Variants in EPM2A observed in about 807,000 individuals in gnomAD.
The protein encoded by EPM2A is EPM2A glucan phosphatase, laforin.
In EPM2A, 21 loss-of-function variants were observed where a neutral mutation model predicts 26.5. The observed-to-expected ratio is 0.79, with a 90% CI of 0.56 to 1.14. The LOEUF is 1.14. EPM2A is among the 50% of genes most tolerant of loss of function. The pLI, the probability that EPM2A is intolerant of heterozygous loss-of-function variation, is 0.00. For synonymous variants in EPM2A, 217 were observed against 177.6 expected, an observed-to-expected ratio of 1.22 and a Z score of -1.76; for missense variants, 458 against 440.8, an observed-to-expected ratio of 1.04 and a Z score of -0.35.
intron 2 of EPM2A, among the ~76,000 whole-genome samples, chr6:145,588,318 T>C (rs1206856924): frequency 6.6e-6 from 1 of 152,216 alleles, no homozygotes; most frequent in Non-Finnish European, 1.5e-5. Flanking sequence ...GGCCTGTTTA[T>C]TCTTCATTTA....
chr6:145,397,537 A>C (rs775812345), intron 4 of EPM2A, among the ~76,000 whole-genome samples: 17 of 152,152 alleles, frequency 1.1e-4, no homozygotes, highest in Non-Finnish European at 1.8e-4. Context: ...TACAGGGGGA[A>C]CTCCCAGCTT....
intron 2 of EPM2A, among the ~76,000 whole-genome samples, chr6:145,543,351 A>C (rs1318520729): frequency 6.6e-6 from 1 of 152,118 alleles, no homozygotes; most frequent in African/African-American, 2.4e-5. Flanking sequence ...AAAAATAATA[A>C]ATCTAGGCCA....
chr6:145,590,979 G>C (rs1781266718), intron 2 of EPM2A, among the ~76,000 whole-genome samples: 1 of 152,012 alleles, frequency 6.6e-6, no homozygotes, highest in Non-Finnish European at 1.5e-5. Context: ...AAATCTAATG[G>C]AAAAAGTTAA....
chr6:145,419,860 TTAAA>T (rs1218209281), intron 4 of EPM2A, among the ~76,000 whole-genome samples: 1 of 152,064 alleles, frequency 6.6e-6, no homozygotes, highest in Non-Finnish European at 1.5e-5. Flanking sequence ...AAATAATAGT[TTAAA>T]TAAATCAAAT....
At chr6:145,592,749 T>C (rs189192848) in intron 2 of EPM2A, among the ~76,000 whole-genome samples, 1 of 152,194 alleles carries the variant, frequency 6.6e-6, no homozygotes, top group Admixed American at 6.5e-5. Flanking sequence ...GGGCAAGAAA[T>C]GCATATTTTA....
chr6:145,569,854 C>CATATAT (rs3063869), intron 2 of EPM2A, among the ~76,000 whole-genome samples: 2 of 150,788 alleles, frequency 1.3e-5, no homozygotes, highest in Non-Finnish European at 3.0e-5. Context: ...ATGGAATATA[C>CATATAT]ATATATATAT....
intron 2 of EPM2A, among the ~76,000 whole-genome samples, chr6:145,595,263 C>A (rs1234477532): frequency 1.3e-5 from 2 of 151,486 alleles, no homozygotes; most frequent in Non-Finnish European, 3.0e-5. Context: ...AAATCAGAAC[C>A]ATCTTGCTTT....
intron 2 of EPM2A, among the ~76,000 whole-genome samples, chr6:145,585,941 A>G (rs1466936118): frequency 2.0e-5 from 3 of 152,206 alleles, no homozygotes; most frequent in Admixed American, 2.0e-4. Context: ...TGGCTCCTAG[A>G]AACAGGAACT....
chr6:145,554,545 A>G lies in EPM2A; in HGVS notation c.341-51970T>C, dbSNP rs915025326. 2.0e-5 allele frequency among the ~76,000 whole-genome samples: 3 copies of G among 152,236 alleles called. No homozygotes were observed. In the South Asian group the frequency reaches 6.2e-4, roughly 32 times the overall value. ...TCATGTTCTGTTGCTACAACAGAATACCACAGACTGGATAATTAATAAACA... is the reference window on the plus strand; with the variant it reads ...TCATGTTCTGTTGCTACAACAGAATGCCACAGACTGGATAATTAATAAACA... On this transcript the variant is annotated intron_variant, in intron 2 of 3. Transcript: ENST00000450221.
At chr6:145,507,535 G>C (rs1779993833) in intron 2 of EPM2A, among the ~76,000 whole-genome samples, 1 of 152,180 alleles carries the variant, frequency 6.6e-6, no homozygotes, top group Non-Finnish European at 1.5e-5. Flanking sequence ...GAGAGATAGA[G>C]AGATGGAGAC....
chr6:145,421,898 TG>T (rs753755674), intron 4 of EPM2A, among the ~76,000 whole-genome samples: 4 of 150,566 alleles, frequency 2.7e-5, no homozygotes, highest in Admixed American at 6.6e-5. Flanking sequence ...AAGAGACAAG[TG>T]AAGATACTAA....
At chr6:145,621,804 T>C (rs977216737), downstream of EPM2A, among the ~76,000 whole-genome samples, 1 of 152,188 alleles carries the variant, frequency 6.6e-6, no homozygotes, top group Non-Finnish European at 1.5e-5. Flanking sequence ...GTTCTTTTGC[T>C]TGTGACGTGT....
intron 2 of EPM2A, among the ~76,000 whole-genome samples, chr6:145,652,908 A>T (rs1170673474): frequency 1.3e-5 from 2 of 152,128 alleles, no homozygotes; most frequent in Non-Finnish European, 2.9e-5. Flanking sequence ...ACCTCTTTGC[A>T]TGTTAATTTC....
intron 2 of EPM2A, among the ~76,000 whole-genome samples, chr6:145,515,973 C>T (rs1780120707): frequency 6.6e-6 from 1 of 152,158 alleles, no homozygotes; most frequent in Non-Finnish European, 1.5e-5. Context: ...GATTGCTAGA[C>T]ATTGGCTGTG....
rs1004871867 is a variant in EPM2A, at chr6:145,627,871, T to C, written c.719-178A>G. ...GTGAGACCATTTTACAATCTGCTAA[T>C]AGCAAAGTGGAAAGAGCATTCCAGA... On this transcript the variant is annotated intron_variant, in intron 3 of 3. Transcript: ENST00000367519. The C allele has an allele frequency of 2.0e-5, 17 of 841,956 alleles. 1 individual carries two copies. The African/African-American group carries it at 2.4e-4, about 12-fold the overall frequency. The allele number at this position is 841,956 out of a possible 1,614,324, so 52.2% of individuals were successfully genotyped here.
intron 4 of EPM2A, among the ~76,000 whole-genome samples, chr6:145,452,741 T>C (rs894085522): frequency 3.3e-5 from 5 of 152,046 alleles, no homozygotes; most frequent in Non-Finnish European, 7.4e-5. Context: ...ATGTATATTT[T>C]CAAGTAATGT....
intron 3 of EPM2A, chr6:145,631,779 G>A (rs1278519948): frequency 6.6e-6 from 1 of 151,794 alleles, no homozygotes; most frequent in African/African-American, 2.4e-5. Flanking sequence ...TAAAAGAGAG[G>A]GGTCAAAAGG....
At chr6:145,614,154 T>C (rs1478053748) in intron 2 of EPM2A, among the ~76,000 whole-genome samples, 1 of 152,240 alleles carries the variant, frequency 6.6e-6, no homozygotes, top group Non-Finnish European at 1.5e-5. Flanking sequence ...CTTGTACTTT[T>C]ATTTTATGGA....
At chr6:145,663,903 C>T (rs867657465) in intron 2 of EPM2A, among the ~76,000 whole-genome samples, 3 of 81,026 alleles carry the variant, frequency 3.7e-5, no homozygotes, top group Non-Finnish European at 7.1e-5. Context: ...AATTTCATAT[C>T]CAGCCAAACT....
Sources: gnomAD v4.1 joint callset for allele counts (sites outside exome capture counted in the v4.1 genomes callset) on GRCh38, gnomAD v4.1.1 for gene constraint, MANE v1.5 for transcripts, NCBI Gene and HGNC (gene_info 2026-07-23, HGNC 2026-07-21) for gene names.